The following PAX5 variants were observed in gnomAD, a reference collection of about 807,000 sequenced individuals.
PAX5 encodes the protein paired box protein Pax-5.
Under a neutral mutation model 43.7 loss-of-function variants are expected in PAX5, and 9 were observed. The observed-to-expected ratio is 0.21, with a 90% CI of 0.12 to 0.36. The LOEUF is 0.36. PAX5 is among the 10% of genes least tolerant of loss of function. The pLI, the probability that PAX5 is intolerant of heterozygous loss-of-function variation, is 1.00. For synonymous variants in PAX5, 228 were observed against 214.3 expected (o/e 1.06, Z -0.56); for missense variants, 383 against 532.7 (o/e 0.72, Z 2.77).
intron 8 of PAX5, among the ~76,000 whole-genome samples, chr9:36,861,608 A>G (rs559111018): frequency 1.8e-4 from 28 of 152,030 alleles, no homozygotes; most frequent in South Asian, 1.5e-3. Flanking sequence ...TGCCATATGA[A>G]TATCTGTGGG....
rs775434791 is a variant in PAX5, at chr9:36,837,970, A to G, written c.*2590T>C. ...AAAGATGTGGGTACACATCATTCCAAAAGAAGGGTGACAGGGGGCAGAGGC... is the reference window on the plus strand; with the variant it reads ...AAAGATGTGGGTACACATCATTCCAGAAGAAGGGTGACAGGGGGCAGAGGC... On this transcript the variant is annotated 3_prime_UTR_variant, in exon 10 of 10. Coordinates refer to ENST00000358127, the MANE Select transcript of PAX5 (RefSeq NM_016734.3). 4 of 233,236 alleles carry G rather than the reference A, an allele frequency of 1.7e-5. No homozygotes were observed. The highest frequency in any genetic ancestry group is 5.6e-5 in the Admixed American group (1 of 17,774). The allele number at this position is 233,236 out of a possible 1,614,324, so 14.4% of individuals were successfully genotyped here. A position where few individuals can be genotyped will look rare whatever the true frequency, so the allele number is the denominator to read the frequency against.
chr9:36,999,127 A>C (rs1163647039), intron 5 of PAX5, among the ~76,000 whole-genome samples: 1 of 152,140 alleles, frequency 6.6e-6, no homozygotes, highest in African/African-American at 2.4e-5. Context: ...TTCTAGACTA[A>C]ATGTTCGAAA....
chr9:37,030,096 C>CT (rs1840832185), intron 1 of PAX5, among the ~76,000 whole-genome samples: 1 of 152,230 alleles, frequency 6.6e-6, no homozygotes, highest in Non-Finnish European at 1.5e-5. Flanking sequence ...AGCGCCGATT[C>CT]TCCCTTTCAC....
chr9:37,017,212 T>C (rs1839457357), intron 2 of PAX5, among the ~76,000 whole-genome samples: 1 of 152,230 alleles, frequency 6.6e-6, no homozygotes, highest in East Asian at 1.9e-4. Flanking sequence ...CACAGCACCC[T>C]AAAGTTTACA....
At chr9:36,874,061 G>A (rs958626958) in intron 8 of PAX5, among the ~76,000 whole-genome samples, 4 of 152,302 alleles carry the variant, frequency 2.6e-5, no homozygotes, top group African/African-American at 7.2e-5. Context: ...CAGGCAAGAC[G>A]CAGAATCAGG....
At chr9:36,961,259 A>T (rs1833953708) in intron 6 of PAX5, among the ~76,000 whole-genome samples, 1 of 152,232 alleles carries the variant, frequency 6.6e-6, no homozygotes, top group African/African-American at 2.4e-5. Context: ...CTGAGGGGGC[A>T]AAGCAGCTGA....
rs150177457 is a variant in PAX5 at position 36,871,514 on chromosome 9, G to A, written c.1012+10490C>T. 2.5e-3 allele frequency among the ~76,000 whole-genome samples: 373 copies of A among 152,220 alleles called. 2 individuals carry two copies. Among genetic ancestry groups the A allele is most frequent in the African/African-American group, 8.2e-3 (339 of 41,554 alleles). On this transcript the variant is annotated intron_variant, in intron 8 of 9. Coordinates refer to ENST00000358127, the MANE Select transcript of PAX5 (RefSeq NM_016734.3). ...CAGCCACCCAACGCTTAGCCCTTCC[G>A]CAAATGCTTCAGTTTCTTCTAAAGC...
At chr9:37,002,542 A>C in intron 5 of PAX5, 106 bp downstream of exon 5, 1 of 1,214,264 alleles carries the variant, frequency 8.2e-7, no homozygotes, top group South Asian at 1.5e-5. Flanking sequence ...GCTCCTCTGC[A>C]GGTAAGGGGG....
chr9:37,027,722 A>T (rs895067974), intron 1 of PAX5, among the ~76,000 whole-genome samples: 1 of 152,330 alleles, frequency 6.6e-6, no homozygotes, highest in East Asian at 1.9e-4. Context: ...CCCGGGGCTC[A>T]GCTCCCTCCG....
rs1250297104 is a variant in PAX5, at chr9:36,868,878, A to G, written c.1012+13126T>C. Among the ~76,000 whole-genome samples, 3 of 151,964 alleles carry G rather than the reference A, an allele frequency of 2.0e-5. No homozygotes were observed. The East Asian group carries it at 5.8e-4, about 29-fold the overall frequency. On this transcript the variant is annotated intron_variant, in intron 8 of 9. Transcript: ENST00000358127. Reference sequence around the variant, plus strand: ...ACTCCAACCTCACAACATGCTTTCAAATGGCAACTGGGGCTAACAGCTGTG... The same window carrying G: ...ACTCCAACCTCACAACATGCTTTCAGATGGCAACTGGGGCTAACAGCTGTG...
At chr9:36,915,293 C>T (rs1829645098) in intron 7 of PAX5, among the ~76,000 whole-genome samples, 1 of 152,144 alleles carries the variant, frequency 6.6e-6, no homozygotes, top group African/African-American at 2.4e-5. Context: ...GCCAAGTTTC[C>T]CTTCCAAAGA....
At chr9:36,842,231 G>A (rs1822127549) in intron 9 of PAX5, among the ~76,000 whole-genome samples, 1 of 152,190 alleles carries the variant, frequency 6.6e-6, no homozygotes, top group South Asian at 2.1e-4. Context: ...CTCTTCTGAG[G>A]GATGGGGACA....
In PAX5 at chr9:36,952,234, C is replaced by CTTTTTTTTTTTTTTTTTTTTTTTT. The variant is rs138009049; in HGVS notation, c.780+14314_780+14315insAAAAAAAAAAAAAAAAAAAAAAAA. Among the ~76,000 whole-genome samples, 2 of 66,626 alleles carry CTTTTTTTTTTTTTTTTTTTTTTTT rather than the reference C, an allele frequency of 3.0e-5. 1 individual carries two copies. The highest frequency in any genetic ancestry group is 5.1e-4 in the Admixed American group (2 of 3,894). The allele number at this position is 66,626 out of a possible 152,430, so 43.7% of individuals were successfully genotyped here. ...TTTTTAATATGCTCTGACCATCTCC[C>CTTTTTTTTTTTTTTTTTTTTTTTT]TTTTTTTTTTTTTTTTTTTTTTTGA... On this transcript the variant is annotated intron_variant, in intron 6 of 9. Coordinates refer to ENST00000358127, the MANE Select transcript of PAX5 (RefSeq NM_016734.3).
intron 6 of PAX5, among the ~76,000 whole-genome samples, chr9:36,950,993 C>T (rs926685131): frequency 6.6e-6 from 1 of 152,104 alleles, no homozygotes; most frequent in African/African-American, 2.4e-5. Context: ...CCGCCCACCT[C>T]GGCCTCCCAA....
At chr9:36,877,969 G>C (rs1210478446) in intron 8 of PAX5, among the ~76,000 whole-genome samples, 1 of 152,192 alleles carries the variant, frequency 6.6e-6, no homozygotes, top group African/African-American at 2.4e-5. Context: ...CCTGAAGATG[G>C]AGCAGGGAAA....
chr9:36,990,166 C>T (rs1478010695), intron 5 of PAX5, among the ~76,000 whole-genome samples: 1 of 152,128 alleles, frequency 6.6e-6, no homozygotes, highest in Non-Finnish European at 1.5e-5. Context: ...TTATTGAGCA[C>T]TTATTATATA....
chr9:37,018,921 C>T (rs1839624512), intron 2 of PAX5, among the ~76,000 whole-genome samples: 1 of 152,068 alleles, frequency 6.6e-6, no homozygotes, highest in African/African-American at 2.4e-5. Flanking sequence ...TTTGGATGTC[C>T]CCTCTGAAAA....
chr9:36,894,801 T>C (rs980944655), intron 7 of PAX5, among the ~76,000 whole-genome samples: 4 of 152,216 alleles, frequency 2.6e-5, no homozygotes, highest in Non-Finnish European at 4.4e-5. Context: ...CAGATTGGGC[T>C]TGGAAAGCAC....
chr9:36,917,198 T>C (rs1311675259), intron 7 of PAX5, among the ~76,000 whole-genome samples: 1 of 152,222 alleles, frequency 6.6e-6, no homozygotes, highest in Admixed American at 6.5e-5. Flanking sequence ...ACTCAATGCA[T>C]GCCCAGACTT....
Sources: gnomAD v4.1 joint callset for allele counts (sites outside exome capture counted in the v4.1 genomes callset) on GRCh38, gnomAD v4.1.1 for gene constraint, MANE v1.5 for transcripts, NCBI Gene and HGNC (gene_info 2026-07-23, HGNC 2026-07-21) for gene names.